Variants in PDE7A observed in about 807,000 individuals in gnomAD.
PDE7A encodes phosphodiesterase 7A, also known as high affinity 3',5'-cyclic-AMP phosphodiesterase 7A.
In PDE7A, 39 loss-of-function variants were observed where a neutral mutation model predicts 64.3. The observed-to-expected ratio is 0.61, with a 90% CI of 0.47 to 0.79. The LOEUF is 0.79. Among genes scored for constraint, PDE7A ranks in the 30% least tolerant of loss-of-function variants. The pLI is 0.00. For missense variants in PDE7A, 470 were observed against 582.8 expected (o/e 0.81, Z 1.99); for synonymous variants, 203 against 206.8 (o/e 0.98, Z 0.16).
In PDE7A at chr8:65,841,638, G is replaced by A; in HGVS notation, c.-130C>T. The stretch of plus-strand genomic sequence containing the variant: ...CAGGGCGGGCGGGGACCGACCCCGG[G>A]CTGGGAAGCCGCGCTCACGCCTCCC... On this transcript the variant is annotated 5_prime_UTR_variant, in exon 1 of 13. Coordinates refer to ENST00000401827, the MANE Select transcript of PDE7A (RefSeq NM_001242318.3). 1 of 239,906 alleles carries A rather than the reference G, an allele frequency of 4.2e-6. No homozygotes were observed. Among genetic ancestry groups the A allele is most frequent in the Non-Finnish European group, 7.3e-6 (1 of 137,748 alleles). 14.9% of individuals were successfully genotyped at this position (239,906 alleles called of 1,614,324 possible).
At chr8:65,827,621 T>G (rs1295555838) in intron 1 of PDE7A, among the ~76,000 whole-genome samples, 1 of 152,208 alleles carries the variant, frequency 6.6e-6, no homozygotes, top group Non-Finnish European at 1.5e-5. Context: ...GAATAGCATG[T>G]ATAACAGTGG....
At chr8:65,781,333 G>T (rs913924291) in intron 2 of PDE7A, among the ~76,000 whole-genome samples, 2 of 151,962 alleles carry the variant, frequency 1.3e-5, no homozygotes, top group African/African-American at 4.8e-5. Flanking sequence ...TGAGTGAGGG[G>T]AACTGGTGGG....
intron 3 of PDE7A, among the ~76,000 whole-genome samples, chr8:65,775,629 T>C (rs529550919): frequency 1.3e-5 from 2 of 152,364 alleles, no homozygotes; most frequent in Non-Finnish European, 2.9e-5. Context: ...GCCTCTCTTA[T>C]TTCTTCCCTT....
intron 3 of PDE7A, among the ~76,000 whole-genome samples, chr8:65,754,692 C>T (rs948782572): frequency 1.3e-5 from 2 of 149,858 alleles, no homozygotes; most frequent in African/African-American, 4.9e-5. Context: ...TTAGGCTGGG[C>T]ACAGTGGCTC....
At chr8:65,754,537 C>T (rs1808124239) in intron 3 of PDE7A, among the ~76,000 whole-genome samples, 1 of 151,478 alleles carries the variant, frequency 6.6e-6, no homozygotes, top group Non-Finnish European at 1.5e-5. Context: ...GGGGTTTCAC[C>T]ATGTTGGCCA....
chr8:65,799,005 T>G lies in PDE7A; in HGVS notation c.139-16162A>C, dbSNP rs971073729. Among the ~76,000 whole-genome samples the G allele has an allele frequency of 3.3e-5, 5 of 152,100 alleles. No individual in the cohort carries two copies. In the East Asian group the frequency reaches 9.6e-4, roughly 29 times the overall value. ...GAAGCCAGGGAAAGAGAAAGTATACTCTATGATTCCATTTATATGAAGTTC... is the reference window on the plus strand; with the variant it reads ...GAAGCCAGGGAAAGAGAAAGTATACGCTATGATTCCATTTATATGAAGTTC... On this transcript the variant is annotated intron_variant, in intron 1 of 12. Coordinates refer to ENST00000401827, the MANE Select transcript of PDE7A (RefSeq NM_001242318.3).
chr8:65,807,312 T>C (rs534193968), intron 1 of PDE7A, among the ~76,000 whole-genome samples: 2 of 152,362 alleles, frequency 1.3e-5, no homozygotes, highest in African/African-American at 2.4e-5. Flanking sequence ...TTGAGTTGTT[T>C]CCATTTCATT....
At chr8:65,835,670 C>G (rs1810934646) in intron 1 of PDE7A, among the ~76,000 whole-genome samples, 1 of 152,230 alleles carries the variant, frequency 6.6e-6, no homozygotes, top group African/African-American at 2.4e-5. Flanking sequence ...ACCTCTCCCT[C>G]TTTCCACCCA....
chr8:65,774,289 A>AT (rs1452588762), intron 3 of PDE7A, among the ~76,000 whole-genome samples: 6 of 150,118 alleles, frequency 4.0e-5, no homozygotes, highest in East Asian at 1.9e-4. Context: ...TTTTTAAAAG[A>AT]TTTTTTGTAC....
intron 7 of PDE7A, 49 bp from the exon 8 acceptor site, chr8:65,727,350 C>CG: frequency 1.9e-6 from 3 of 1,605,814 alleles, no homozygotes; most frequent in African/African-American, 1.3e-5. Context: ...CTAAAATAAG[C>CG]TCTACGCCAT....
intron 3 of PDE7A, 47 bp downstream of exon 3, chr8:65,779,673 A>C (rs969649563): frequency 2.1e-6 from 2 of 960,934 alleles, no homozygotes; most frequent in African/African-American, 3.3e-5. Flanking sequence ...AATTTTATTA[A>C]AATTTGTAGT....
intron 3 of PDE7A, among the ~76,000 whole-genome samples, chr8:65,763,291 A>G (rs1222432850): frequency 6.6e-6 from 1 of 152,082 alleles, no homozygotes; most frequent in Non-Finnish European, 1.5e-5. Flanking sequence ...AAGGTTACAT[A>G]CGGTGGCTCA....
At chr8:65,784,144 G>A (rs770561219) in intron 1 of PDE7A, among the ~76,000 whole-genome samples, 3 of 152,162 alleles carry the variant, frequency 2.0e-5, no homozygotes, top group Non-Finnish European at 4.4e-5. Context: ...AGGAGTTGGA[G>A]GCTGCAGTGA....
rs539213374 is a variant in PDE7A at position 65,801,811 on chromosome 8, A to G, written c.139-18968T>C. 2.0e-5 allele frequency among the ~76,000 whole-genome samples: 3 copies of G among 152,306 alleles called. No individual in the cohort carries two copies. In the South Asian group the frequency reaches 6.2e-4, roughly 32 times the overall value. On this transcript the variant is annotated intron_variant, in intron 1 of 12. Coordinates refer to ENST00000401827, the MANE Select transcript of PDE7A (RefSeq NM_001242318.3). ...AGACTAACAGCAATGTAACTTAAGG[A>G]ACTCTAACTAGAACAGTGTATAAAA...
At chr8:65,763,681 T>C (rs970818040) in intron 3 of PDE7A, among the ~76,000 whole-genome samples, 4 of 152,196 alleles carry the variant, frequency 2.6e-5, no homozygotes, top group Non-Finnish European at 4.4e-5. Context: ...ACGCTGAACA[T>C]AGCATAGCTC....
chr8:65,719,542 T>C (rs199548673), intron 12 of PDE7A, 47 bp from the exon 13 acceptor site: 119 of 1,235,524 alleles, frequency 9.6e-5, no homozygotes, highest in Non-Finnish European at 1.4e-4. Flanking sequence ...GCTGAAACTC[T>C]ATCTTTAAAA....
intron 1 of PDE7A, among the ~76,000 whole-genome samples, chr8:65,793,963 T>C (rs2128926630): frequency 6.6e-6 from 1 of 152,306 alleles, no homozygotes; most frequent in East Asian, 1.9e-4. Context: ...GTTCAGGGGC[T>C]TTTCGGGTAG....
intron 1 of PDE7A, among the ~76,000 whole-genome samples, chr8:65,825,909 A>G (rs1417198908): frequency 2.0e-5 from 3 of 152,124 alleles, no homozygotes; most frequent in Non-Finnish European, 4.4e-5. Context: ...CAAATTAGTG[A>G]GGTGTGTCAT....
intron 1 of PDE7A, among the ~76,000 whole-genome samples, chr8:65,791,280 C>T (rs977225407): frequency 6.6e-6 from 1 of 152,202 alleles, no homozygotes; most frequent in Non-Finnish European, 1.5e-5. Flanking sequence ...ATTTATTTCC[C>T]AGCTTTACTG....
Sources: allele counts gnomAD v4.1 joint callset (sites outside exome capture counted in the v4.1 genomes callset), GRCh38; gene constraint gnomAD v4.1.1; transcripts MANE v1.5; gene names NCBI Gene and HGNC (gene_info 2026-07-23, HGNC 2026-07-21).